Variants in ARID1B observed in about 807,000 individuals in gnomAD.
ARID1B encodes AT-rich interactive domain-containing protein 1B.
In ARID1B, 30 loss-of-function variants were observed where a neutral mutation model predicts 212.3. The ratio of observed to expected loss-of-function variants is 0.14; its 90% CI spans 0.11 to 0.19. The LOEUF is 0.19. Among genes scored for constraint, ARID1B ranks in the 10% least tolerant of loss-of-function variants. ARID1B has a pLI of 1.00. For missense variants in ARID1B, 2,891 were observed against 3,204.0 expected, an observed-to-expected ratio of 0.90 and a Z score of 2.36; for synonymous variants, 1,402 against 1,301.7, an observed-to-expected ratio of 1.08 and a Z score of -1.66.
At chr6:157,191,462 A>G (rs1038270043) in intron 15 of ARID1B, among the ~76,000 whole-genome samples, 2 of 152,112 alleles carry the variant, frequency 1.3e-5, no homozygotes, top group Admixed American at 6.5e-5. Flanking sequence ...TGGGATCGGT[A>G]TGATCTTGGA....
intron 2 of ARID1B, among the ~76,000 whole-genome samples, chr6:156,845,762 G>A (rs1376631562): frequency 1.3e-5 from 2 of 152,038 alleles, no homozygotes; most frequent in Non-Finnish European, 2.9e-5. Flanking sequence ...TTCTTCGTTA[G>A]GGGAGGGTAT....
At position 157,094,325 on chromosome 6, in the gene ARID1B, T is replaced by G. The variant is rs113697763; in HGVS notation, c.2491+9420T>G. On this transcript the variant is annotated intron_variant, in intron 5 of 19. Transcript: ENST00000636930. The surrounding 1 kb of genome is among the most constrained non-coding windows in gnomAD (Gnocchi z 4.3). Reference sequence around the variant, plus strand: ...TTAGGTGAGAGAGGAGCTAACGACTTTGTAGGTTATGATTATGATTTAGGA... The same window carrying G: ...TTAGGTGAGAGAGGAGCTAACGACTGTGTAGGTTATGATTATGATTTAGGA... Among the ~76,000 whole-genome samples, 1 of 152,002 alleles carries G rather than the reference T, an allele frequency of 6.6e-6. No individual in the cohort carries two copies. The highest frequency in any genetic ancestry group is 2.4e-5 in the African/African-American group (1 of 41,370).
chr6:156,871,486 AC>A (rs1208543511), intron 2 of ARID1B: 7 of 744,052 alleles, frequency 9.4e-6, no homozygotes, highest in African/African-American at 1.7e-5. Context: ...ACAGATGGGG[AC>A]CTGAGGTTTT....
intron 2 of ARID1B, among the ~76,000 whole-genome samples, chr6:156,838,380 TGTA>T (rs1783654526): frequency 6.6e-6 from 1 of 152,196 alleles, no homozygotes; most frequent in Non-Finnish European, 1.5e-5. Context: ...CTTGGATAGT[TGTA>T]GTAGCTAGTC....
rs1477691712 is a variant in ARID1B at position 156,779,407 on chromosome 6, C to G, written c.1727C>G (p.Ala576Gly). The change falls in exon 1 of 20, where the codon GCG becomes GGG. Residue 576 changes from alanine (A) to glycine (G), a missense_variant. Physicochemically the swap from Ala to Gly is moderately conservative, Grantham distance 60. Coordinates refer to ENST00000636930, the MANE Select transcript of ARID1B (RefSeq NM_001374828.1). ...YAAASPAWAA[A>G]QQRSHPAMSP... Reference sequence around the variant, plus strand: ...GCTGCCAGCCCGGCCTGGGCGGCCGCGCAACAAAGGAGTCACCCGGCGATG... The same window carrying G: ...GCTGCCAGCCCGGCCTGGGCGGCCGGGCAACAAAGGAGTCACCCGGCGATG... 1 of 1,449,956 alleles carries G rather than the reference C, an allele frequency of 6.9e-7. No homozygotes were observed. Among genetic ancestry groups the G allele is most frequent in the Non-Finnish European group, 9.1e-7 (1 of 1,098,156 alleles). The allele number at this position is 1,449,956 out of a possible 1,614,324, so 89.8% of individuals were successfully genotyped here. A position where few individuals can be genotyped will look rare whatever the true frequency, so the allele number is the denominator to read the frequency against.
intron 5 of ARID1B, among the ~76,000 whole-genome samples, chr6:157,101,254 A>T (rs567248149): frequency 8.7e-4 from 133 of 152,326 alleles, no homozygotes; most frequent in African/African-American, 3.2e-3. Context: ...TCAATTGCTA[A>T]TTGCTGAAAA....
chr6:157,144,123 G>T (rs1271036178), intron 7 of ARID1B, among the ~76,000 whole-genome samples: 1 of 152,234 alleles, frequency 6.6e-6, no homozygotes, highest in South Asian at 2.1e-4. Flanking sequence ...GTGAGAGATG[G>T]AGGTAGGGTA....
rs9480407 is a variant in ARID1B at position 156,931,920 on chromosome 6, C to T, written c.2137-3546C>T. Among the ~76,000 whole-genome samples the T allele has an allele frequency of 9.9e-3, 1,422 of 143,412 alleles. 11 individuals are homozygous for T. The highest frequency in any genetic ancestry group is 0.015 in the Non-Finnish European group (981 of 66,914). 94.1% of individuals were successfully genotyped at this position (143,412 alleles called of 152,430 possible). On this transcript the variant is annotated intron_variant, in intron 3 of 19. Coordinates refer to ENST00000636930, the MANE Select transcript of ARID1B (RefSeq NM_001374828.1). The stretch of plus-strand genomic sequence containing the variant: ...GAGATTGCGGTGAGCTGAGATTGCG[C>T]GATGCACTCCAGCCTGGGCAACGAG...
chr6:157,205,835 G>A, intron 19 of ARID1B: 1 of 262,104 alleles, frequency 3.8e-6, no homozygotes, highest in Non-Finnish European at 7.3e-6. Context: ...CTCTAAATCA[G>A]GAACAGAAAG....
intron 4 of ARID1B, chr6:156,976,729 T>TA (rs1384485932): frequency 4.1e-5 from 19 of 463,096 alleles, no homozygotes; most frequent in Non-Finnish European, 7.7e-5. Flanking sequence ...TTTTAAGCTG[T>TA]AACACTCACC....
chr6:156,921,626 A>G (rs1489290265), intron 3 of ARID1B, among the ~76,000 whole-genome samples: 1 of 152,166 alleles, frequency 6.6e-6, no homozygotes, highest in Admixed American at 6.5e-5. Context: ...TTTTTAGTAT[A>G]TTGTTTTTCT....
Position 157,206,382 on chromosome 6 carries a change from T to C in ARID1B, c.5610T>C (p.Asp1870=). 3 of 1,613,796 alleles carry C rather than the reference T, an allele frequency of 1.9e-6. No homozygotes were observed. Among genetic ancestry groups the C allele is most frequent in the Non-Finnish European group, 1.7e-6 (2 of 1,179,958 alleles). The change falls in exon 20 of 20, where the codon GAT becomes GAC. Residue 1870 remains aspartate, a synonymous_variant. Coordinates refer to ENST00000636930, the MANE Select transcript of ARID1B (RefSeq NM_001374828.1). This position sits in a 1 kb window ranked among gnomAD's most constrained non-coding sequence, Gnocchi z 6.8. Reference sequence around the variant, plus strand: ...ATGACGACGAGGAAGACGAGGAGGATGAGGAGGAAGACAGCGAGAAGACAG... The same window carrying C: ...ATGACGACGAGGAAGACGAGGAGGACGAGGAGGAAGACAGCGAGAAGACAG... ...CIDDDEEDEE[D]EEEDSEKTES...
chr6:156,877,389 T>C (rs981217046), intron 2 of ARID1B, among the ~76,000 whole-genome samples: 1 of 152,198 alleles, frequency 6.6e-6, no homozygotes, highest in Non-Finnish European at 1.5e-5. Flanking sequence ...CTCTGCACTG[T>C]GCTGTACTGT....
At chr6:157,009,153 G>C (rs1442896099) in intron 4 of ARID1B, among the ~76,000 whole-genome samples, 2 of 152,130 alleles carry the variant, frequency 1.3e-5, no homozygotes, top group African/African-American at 4.8e-5. Context: ...CAGCTACAGA[G>C]ACAGTAGTGC....
intron 12 of ARID1B, 78 bp downstream of exon 12, chr6:157,181,256 G>T (rs1215436147): frequency 3.8e-5 from 58 of 1,515,254 alleles, no homozygotes; most frequent in Non-Finnish European, 4.9e-5. Context: ...TGAATGTGTG[G>T]ACTCATTTTT....
At chr6:156,933,414 A>G (rs1410496814) in intron 3 of ARID1B, among the ~76,000 whole-genome samples, 2 of 152,178 alleles carry the variant, frequency 1.3e-5, no homozygotes, top group East Asian at 1.9e-4. Flanking sequence ...TTTGAAATCC[A>G]TGCTGTTTAT....
At chr6:156,921,612 G>A (rs1266453790) in intron 3 of ARID1B, among the ~76,000 whole-genome samples, 2 of 152,122 alleles carry the variant, frequency 1.3e-5, no homozygotes, top group African/African-American at 4.8e-5. Context: ...TGGATGCTAA[G>A]TTCTTTTTAG....
chr6:157,203,056 T>A lies in ARID1B; in HGVS notation c.5264-810T>A, dbSNP rs562071074. ...AACAGTATGTAGCTATCTTAGAAAATTTTAAAACAGATAAAATAAAAGTGG... is the reference window on the plus strand; with the variant it reads ...AACAGTATGTAGCTATCTTAGAAAAATTTAAAACAGATAAAATAAAAGTGG... On this transcript the variant is annotated intron_variant, in intron 18 of 19. Transcript: ENST00000636930. This position sits in a 1 kb window ranked among gnomAD's most constrained non-coding sequence, Gnocchi z 4.4. Among the ~76,000 whole-genome samples the A allele has an allele frequency of 5.1e-4, 77 of 152,288 alleles. 2 individuals carry two copies. The South Asian group carries it at 0.015, about 29-fold the overall frequency.
At chr6:157,075,564 G>A (rs1456669905) in intron 4 of ARID1B, among the ~76,000 whole-genome samples, 1 of 152,188 alleles carries the variant, frequency 6.6e-6, no homozygotes, top group African/African-American at 2.4e-5. Flanking sequence ...TGGACTTAGT[G>A]ACTCCCTTCA....
Sources: allele counts gnomAD v4.1 joint callset (sites outside exome capture counted in the v4.1 genomes callset), GRCh38; gene constraint gnomAD v4.1.1; non-coding constraint Gnocchi (gnomAD v3.1); transcripts MANE v1.5; gene names NCBI Gene and HGNC (gene_info 2026-07-23, HGNC 2026-07-21).